Variants in YES1 observed in about 807,000 individuals in gnomAD.
YES1 encodes the protein YES proto-oncogene 1, Src family tyrosine kinase.
A neutral mutation model predicts 70.4 loss-of-function variants in YES1; 39 were observed. That is an observed-to-expected ratio of 0.55 (90% CI 0.43 to 0.72). The LOEUF (loss-of-function observed/expected upper bound fraction) is 0.72. Among genes scored for constraint, YES1 ranks in the 30% least tolerant of loss-of-function variants. The pLI is 0.00. For synonymous variants in YES1, 198 were observed against 218.6 expected (o/e 0.91, Z 0.83); for missense variants, 495 against 644.8 (o/e 0.77, Z 2.52).
chr18:761,884 T>C (rs1303016742), intron 1 of YES1, among the ~76,000 whole-genome samples: 2 of 152,234 alleles, frequency 1.3e-5, no homozygotes, highest in East Asian at 3.9e-4. Flanking sequence ...TTATGGGTTG[T>C]CTTAGAAACG....
chr18:769,974 A>G (rs1402781833), intron 1 of YES1, among the ~76,000 whole-genome samples: 1 of 147,524 alleles, frequency 6.8e-6, no homozygotes, highest in Non-Finnish European at 1.5e-5. Context: ...TTTTTTTGAG[A>G]CGGAGTCTTG....
chr18:791,110 CGTG>C (rs923524183), intron 1 of YES1, among the ~76,000 whole-genome samples: 3 of 151,176 alleles, frequency 2.0e-5, no homozygotes, highest in African/African-American at 7.3e-5. Context: ...ATTAGCCGGG[CGTG>C]GTGGTGCGCG....
chr18:763,625 C>T (rs1302771758), intron 1 of YES1, among the ~76,000 whole-genome samples: 1 of 150,746 alleles, frequency 6.6e-6, no homozygotes, highest in East Asian at 2.0e-4. Flanking sequence ...ATCACCTGAG[C>T]CCAGGGAGGT....
intron 10 of YES1, 137 bp from the exon 11 acceptor site, chr18:733,102 T>C (rs2080111250): frequency 2.8e-6 from 2 of 707,232 alleles, no homozygotes; most frequent in Non-Finnish European, 4.4e-6. Context: ...ACAAGATACA[T>C]GGGATAAAAA....
intron 11 of YES1, among the ~76,000 whole-genome samples, chr18:731,903 G>C (rs1268031598): frequency 1.4e-5 from 2 of 145,876 alleles, no homozygotes; most frequent in African/African-American, 2.6e-5. Flanking sequence ...GGAGGTGGAG[G>C]CTGCAGTGAG....
chr18:751,081 G>C (rs758205413), intron 3 of YES1, among the ~76,000 whole-genome samples: 46 of 152,136 alleles, frequency 3.0e-4, no homozygotes, highest in Non-Finnish European at 7.3e-5. Context: ...TTATGTTCCG[G>C]AACAATAACT....
chr18:806,507 C>T (rs139043930), intron 1 of YES1, among the ~76,000 whole-genome samples: 1 of 152,252 alleles, frequency 6.6e-6, no homozygotes, highest in African/African-American at 2.4e-5. Flanking sequence ...GTTTTGTTTG[C>T]GAAAAGTCCA....
chr18:780,984 C>T (rs545712098), intron 1 of YES1, among the ~76,000 whole-genome samples: 1 of 152,154 alleles, frequency 6.6e-6, no homozygotes, highest in South Asian at 2.1e-4. Flanking sequence ...AATAGAAGAC[C>T]TTGGCCAGGG....
intron 1 of YES1, among the ~76,000 whole-genome samples, chr18:797,332 A>T (rs1906598109): frequency 6.6e-6 from 1 of 152,076 alleles, no homozygotes; most frequent in South Asian, 2.1e-4. Flanking sequence ...CAATCCCCCT[A>T]AAAAAACTGG....
chr18:729,013 A>C (rs1388629651), intron 11 of YES1, among the ~76,000 whole-genome samples: 1 of 152,158 alleles, frequency 6.6e-6, no homozygotes, highest in African/African-American at 2.4e-5. Context: ...TTTAGCCATT[A>C]CTTTTTAAAA....
chr18:751,705 G>T lies in YES1; in HGVS notation c.371C>A (p.Thr124Lys), dbSNP rs374613149. The T allele has an allele frequency of 4.6e-6, 7 of 1,532,148 alleles. No individual in the cohort carries two copies. The highest frequency in any genetic ancestry group is 6.3e-6 in the Non-Finnish European group (7 of 1,109,280). 94.9% of individuals were successfully genotyped at this position (1,532,148 alleles called of 1,614,324 possible). A position where few individuals can be genotyped will look rare whatever the true frequency, so the allele number is the denominator to read the frequency against. The change falls in exon 3 of 12, where the codon ACG (threonine) becomes AAG (lysine). Residue 124 changes from threonine (T) to lysine (K), a missense_variant and splice_region_variant. Physicochemically the swap from Thr to Lys is moderately conservative, Grantham distance 78. Around this residue, in one of 2 missense-constraint regions of YES1, gnomAD observed 385 missense variants for 540.9 expected, o/e 0.71. Transcript: ENST00000314574. ...CTCACAAAATATTCATGACACTTAC[G>T]TATTGTTAATTATTTGAAATCTTTC... ...KGERFQIINN[T>K]EGDWWEARSI... is the part of the protein sequence containing the mutation.
intron 1 of YES1, among the ~76,000 whole-genome samples, chr18:788,435 T>C (rs186645870): frequency 3.3e-5 from 5 of 152,234 alleles, no homozygotes; most frequent in Non-Finnish European, 7.3e-5. Context: ...TTAAAATATG[T>C]ACATAATAAC....
At chr18:792,565 ATGTGTGTGTG>A (rs71174292) in intron 1 of YES1, among the ~76,000 whole-genome samples, 11 of 147,000 alleles carry the variant, frequency 7.5e-5, no homozygotes, top group African/African-American at 1.2e-4. Flanking sequence ...CCCTCTGTAT[ATGTGTGTGTG>A]TGTGTGTGTG....
chr18:771,271 G>A (rs1017719154), intron 1 of YES1, among the ~76,000 whole-genome samples: 2 of 152,012 alleles, frequency 1.3e-5, no homozygotes, highest in Non-Finnish European at 2.9e-5. Context: ...GGAAGCTGAG[G>A]CATGAGACTC....
chr18:729,182 A>C lies in YES1; in HGVS notation c.1423+3652T>G, dbSNP rs141378434. Among the ~76,000 whole-genome samples, 17 of 152,178 alleles carry C rather than the reference A, an allele frequency of 1.1e-4. No individual in the cohort carries two copies. The East Asian group carries it at 3.1e-3, about 28-fold the overall frequency. On this transcript the variant is annotated intron_variant, in intron 11 of 11. Transcript: ENST00000314574. The stretch of plus-strand genomic sequence containing the variant: ...TTGGATACTTTGTTAATGTGTCTGA[A>C]TCCACTAATCTTGTCTTCTATTATG...
chr18:744,072 ATTTTT>A (rs569746386), intron 6 of YES1, among the ~76,000 whole-genome samples: 10 of 150,164 alleles, frequency 6.7e-5, no homozygotes, highest in Non-Finnish European at 3.0e-5. Flanking sequence ...TAAAATATAT[ATTTTT>A]TTAAGTTATT....
At chr18:806,319 T>C (rs1416416500) in intron 1 of YES1, among the ~76,000 whole-genome samples, 2 of 152,252 alleles carry the variant, frequency 1.3e-5, no homozygotes, top group African/African-American at 4.8e-5. Context: ...TTTCAGTTCA[T>C]ATTAGAAATA....
At chr18:781,786 A>G (rs1905682435) in intron 1 of YES1, among the ~76,000 whole-genome samples, 1 of 151,962 alleles carries the variant, frequency 6.6e-6, no homozygotes, top group Admixed American at 6.6e-5. Flanking sequence ...GAGGAATAAT[A>G]CCTATCTTGC....
chr18:796,669 A>G (rs527408931), intron 1 of YES1, among the ~76,000 whole-genome samples: 36 of 152,256 alleles, frequency 2.4e-4, no homozygotes, highest in African/African-American at 7.9e-4. Context: ...GAGGCAGGAG[A>G]ATCACTTGAA....
Sources: allele counts gnomAD v4.1 joint callset (sites outside exome capture counted in the v4.1 genomes callset), GRCh38; gene constraint gnomAD v4.1.1; regional missense constraint gnomAD v4.1.1; transcripts MANE v1.5; gene names NCBI Gene and HGNC (gene_info 2026-07-23, HGNC 2026-07-21).